Variants in SDC2 observed in about 807,000 individuals in gnomAD.
The protein encoded by SDC2 is syndecan-2.
SDC2 carries 13 observed loss-of-function variants against 22.2 expected under a neutral mutation model. That is an observed-to-expected ratio of 0.59 (90% CI 0.38 to 0.93). The LOEUF (loss-of-function observed/expected upper bound fraction) is 0.93. Among genes scored for constraint, SDC2 ranks in the 40% least tolerant of loss-of-function variants. The pLI is 0.00. For synonymous variants in SDC2, 94 were observed against 92.8 expected (o/e 1.01, Z -0.07); for missense variants, 235 against 246.8 (o/e 0.95, Z 0.32).
chr8:96,501,323 T>TTG (rs1328218396), intron 1 of SDC2, among the ~76,000 whole-genome samples: 1 of 143,140 alleles, frequency 7.0e-6, no homozygotes, highest in Non-Finnish European at 1.5e-5. Context: ...TTTTTTTTTT[T>TTG]TGAGACAGAG....
chr8:96,600,621 G>T (rs968494417), intron 2 of SDC2, among the ~76,000 whole-genome samples: 1 of 152,206 alleles, frequency 6.6e-6, no homozygotes, highest in Non-Finnish European at 1.5e-5. Context: ...CTGTAGAACG[G>T]TGTTAAGAGT....
At chr8:96,569,306 G>C (rs372942537) in intron 1 of SDC2, among the ~76,000 whole-genome samples, 13 of 152,306 alleles carry the variant, frequency 8.5e-5, no homozygotes, top group African/African-American at 2.9e-4. Context: ...ACCACTCTCA[G>C]CCTCTTCCTT....
At chr8:96,583,715 GTGTATATA>G (rs1452572926) in intron 1 of SDC2, among the ~76,000 whole-genome samples, 1 of 140,402 alleles carries the variant, frequency 7.1e-6, no homozygotes, top group African/African-American at 2.8e-5. Flanking sequence ...GTGTGTGTGT[GTGTATATA>G]TATATATGAG....
At chr8:96,527,826 A>G (rs1230968737) in intron 1 of SDC2, among the ~76,000 whole-genome samples, 4 of 152,222 alleles carry the variant, frequency 2.6e-5, no homozygotes, top group Non-Finnish European at 5.9e-5. Flanking sequence ...TCAAAAATCA[A>G]TTAAACAAAA....
At chr8:96,571,243 G>A (rs188609301) in intron 1 of SDC2, among the ~76,000 whole-genome samples, 72 of 152,256 alleles carry the variant, frequency 4.7e-4, no homozygotes, top group African/African-American at 1.7e-3. Flanking sequence ...GGTCACATTT[G>A]TGTCCTATGA....
intron 1 of SDC2, among the ~76,000 whole-genome samples, chr8:96,591,043 G>A (rs958309875): frequency 6.6e-6 from 1 of 152,146 alleles, no homozygotes; most frequent in Non-Finnish European, 1.5e-5. Flanking sequence ...GTGGTTGAAC[G>A]GTGAGGTGGC....
chr8:96,550,857 A>G (rs935341481), intron 1 of SDC2, among the ~76,000 whole-genome samples: 3 of 152,166 alleles, frequency 2.0e-5, no homozygotes, highest in African/African-American at 7.2e-5. Flanking sequence ...GCATGGGGTG[A>G]CAGGAGTCAA....
intron 1 of SDC2, among the ~76,000 whole-genome samples, chr8:96,519,776 G>A (rs1485132360): frequency 3.9e-5 from 6 of 151,980 alleles, no homozygotes; most frequent in Non-Finnish European, 7.4e-5. Context: ...TGGGATTACA[G>A]GCGCGCACCT....
At chr8:96,499,455 C>T (rs1245611394) in intron 1 of SDC2, among the ~76,000 whole-genome samples, 1 of 152,168 alleles carries the variant, frequency 6.6e-6, no homozygotes, top group Non-Finnish European at 1.5e-5. Context: ...CAGCATTACC[C>T]CTTAATTATG....
rs1438851680 is a variant in SDC2, at chr8:96,611,014, A to C, written c.*1466A>C. 6.5e-6 allele frequency: 1 copy of C among 152,676 alleles called. No homozygotes were observed. Among genetic ancestry groups the C allele is most frequent in the Non-Finnish European group, 1.5e-5 (1 of 68,050 alleles). The allele number at this position is 152,676 out of a possible 1,614,324, so 9.5% of individuals were successfully genotyped here. ...TGGGGCTTTCCTGATGTTGGTATCT[A>C]AGGCTTAGGCCTATAGATTGATTTA... On this transcript the variant is annotated 3_prime_UTR_variant, in exon 5 of 5. Coordinates refer to ENST00000302190, the MANE Select transcript of SDC2 (RefSeq NM_002998.4).
At chr8:96,580,137 G>A (rs950241747) in intron 1 of SDC2, among the ~76,000 whole-genome samples, 4 of 152,218 alleles carry the variant, frequency 2.6e-5, no homozygotes, top group Admixed American at 6.5e-5. Context: ...CCACTTGAAC[G>A]GATTGTGGTC....
chr8:96,537,605 A>G (rs894243086), intron 1 of SDC2, among the ~76,000 whole-genome samples: 5 of 152,250 alleles, frequency 3.3e-5, no homozygotes, highest in Non-Finnish European at 1.5e-5. Flanking sequence ...CTAGGTGTTC[A>G]GAGAAGTTAA....
At chr8:96,520,027 C>T (rs1396866612) in intron 1 of SDC2, among the ~76,000 whole-genome samples, 1 of 152,178 alleles carries the variant, frequency 6.6e-6, no homozygotes, top group African/African-American at 2.4e-5. Context: ...TAGTTGTTAC[C>T]TGGAACTAAA....
intron 1 of SDC2, among the ~76,000 whole-genome samples, chr8:96,527,486 T>C (rs1456824718): frequency 6.6e-6 from 1 of 152,198 alleles, no homozygotes; most frequent in Non-Finnish European, 1.5e-5. Flanking sequence ...CCTACTTACA[T>C]GCCCGTCAGT....
rs4058341 is a variant in SDC2, at chr8:96,540,340, G to GTGTATATATA, written c.60+46010_60+46011insGTATATATAT. ...AACCCTGTCTCTACTATATATATGT[G>GTGTATATATA]TATATATATATATATAAAAATTAGT... On this transcript the variant is annotated intron_variant, in intron 1 of 4. Coordinates refer to ENST00000302190, the MANE Select transcript of SDC2 (RefSeq NM_002998.4). 8.0e-4 allele frequency among the ~76,000 whole-genome samples: 99 copies of GTGTATATATA among 123,686 alleles called. 1 individual carries two copies. The East Asian group carries it at 0.026, about 32-fold the overall frequency. 81.1% of individuals were successfully genotyped at this position (123,686 alleles called of 152,430 possible).
At chr8:96,521,755 T>G (rs995955034) in intron 1 of SDC2, among the ~76,000 whole-genome samples, 4 of 152,222 alleles carry the variant, frequency 2.6e-5, no homozygotes, top group African/African-American at 9.6e-5. Flanking sequence ...GGGAGCTAAT[T>G]TCTTGTAGGA....
intron 1 of SDC2, among the ~76,000 whole-genome samples, chr8:96,557,519 G>C (rs1167291827): frequency 2.0e-5 from 3 of 148,678 alleles, no homozygotes; most frequent in African/African-American, 7.4e-5. Context: ...GTAAACTATC[G>C]CAAGAACAAA....
At chr8:96,533,072 T>C (rs566618653) in intron 1 of SDC2, among the ~76,000 whole-genome samples, 6 of 152,322 alleles carry the variant, frequency 3.9e-5, no homozygotes, top group African/African-American at 1.4e-4. Context: ...TTTGGAGTTT[T>C]TTCCTTCTGG....
chr8:96,534,830 T>C (rs567677092), intron 1 of SDC2, among the ~76,000 whole-genome samples: 1 of 152,120 alleles, frequency 6.6e-6, no homozygotes, highest in South Asian at 2.1e-4. Flanking sequence ...TTATTTCAGC[T>C]CCTTCAGTTT....
Sources: gnomAD v4.1 joint callset for allele counts (sites outside exome capture counted in the v4.1 genomes callset) on GRCh38, gnomAD v4.1.1 for gene constraint, MANE v1.5 for transcripts, NCBI Gene and HGNC (gene_info 2026-07-23, HGNC 2026-07-21) for gene names.